GARRE1: variants seen among roughly 807,000 people sequenced by gnomAD.
GARRE1 encodes granule associated Rac and RHOG effector 1, also known as granule associated Rac and RHOG effector protein 1.
A neutral mutation model predicts 103.2 loss-of-function variants in GARRE1; 49 were observed. The ratio of observed to expected loss-of-function variants is 0.47; its 90% confidence interval spans 0.38 to 0.60. The LOEUF (loss-of-function observed/expected upper bound fraction) is 0.60. GARRE1 is among the 20% of genes least tolerant of loss of function. The pLI, the probability that GARRE1 is intolerant of heterozygous loss-of-function variation, is 0.00. For synonymous variants in GARRE1, 505 were observed against 532.8 expected (o/e 0.95, Z 0.72); for missense variants, 1,199 against 1,370.5 (o/e 0.87, Z 1.98).
intron 1 of GARRE1, among the ~76,000 whole-genome samples, chr19:34,293,721 C>G (rs917859663): frequency 1.5e-5 from 2 of 129,184 alleles, no homozygotes; most frequent in African/African-American, 6.3e-5. Flanking sequence ...TATAAACACA[C>G]ACACACACAC....
intron 1 of GARRE1, among the ~76,000 whole-genome samples, chr19:34,287,707 G>C (rs2073895381): frequency 6.6e-6 from 1 of 152,148 alleles, no homozygotes; most frequent in Non-Finnish European, 1.5e-5. Context: ...CAGGGTGCCA[G>C]CACTGTCAGG....
intron 1 of GARRE1, among the ~76,000 whole-genome samples, chr19:34,290,539 C>G (rs1176621688): frequency 6.6e-6 from 1 of 151,982 alleles, no homozygotes; most frequent in Non-Finnish European, 1.5e-5. Context: ...ACTCTGTTAC[C>G]CAGGCTGGAG....
intron 10 of GARRE1, among the ~76,000 whole-genome samples, chr19:34,346,577 G>A (rs1218053346): frequency 6.6e-6 from 1 of 152,152 alleles, no homozygotes; most frequent in Non-Finnish European, 1.5e-5. Flanking sequence ...GATTTTCGAA[G>A]TTGTTAGCTA....
intron 1 of GARRE1, among the ~76,000 whole-genome samples, chr19:34,294,731 GTC>G (rs1376681326): frequency 1.3e-5 from 2 of 152,052 alleles, no homozygotes; most frequent in Non-Finnish European, 1.5e-5. Flanking sequence ...TTCAGACAGA[GTC>G]TCTCTCTGTC....
intron 1 of GARRE1, among the ~76,000 whole-genome samples, chr19:34,280,394 G>A (rs185816195): frequency 3.3e-5 from 5 of 151,924 alleles, no homozygotes; most frequent in Admixed American, 6.6e-5. Flanking sequence ...GTCTATTCAA[G>A]TCCTTTGCCC....
At chr19:34,305,920 A>C (rs1445680059) in intron 2 of GARRE1, among the ~76,000 whole-genome samples, 2 of 152,172 alleles carry the variant, frequency 1.3e-5, no homozygotes, top group Non-Finnish European at 2.9e-5. Context: ...TGGGTTTTCC[A>C]ATTTATGCGT....
Position 34,341,510 on chromosome 19 carries a change from A to C in GARRE1, c.1576A>C (p.Asn526His), listed in dbSNP as rs746504130. The change falls in exon 10 of 14, where the codon AAC becomes CAC. Residue 526 changes from asparagine (N) to histidine (H), a missense_variant. Physicochemically the swap from Asn to His is moderately conservative, Grantham distance 68. Transcript: ENST00000299505. ...GGCTGACCTGCCTTCTGGAAATGGAAACAAATCTTCAGGTGGCCTGCAGAA... is the reference window on the plus strand; with the variant it reads ...GGCTGACCTGCCTTCTGGAAATGGACACAAATCTTCAGGTGGCCTGCAGAA... ...NQADLPSGNGNKSSGGLQKTF... is the reference protein window; with the variant it reads ...NQADLPSGNGHKSSGGLQKTF... 1 of 1,614,058 alleles carries C rather than the reference A, an allele frequency of 6.2e-7. No homozygotes were observed. The highest frequency in any genetic ancestry group is 8.5e-7 in the Non-Finnish European group (1 of 1,180,044).
intron 1 of GARRE1, among the ~76,000 whole-genome samples, chr19:34,258,125 A>G (rs1030439321): frequency 5.9e-5 from 9 of 151,790 alleles, no homozygotes; most frequent in African/African-American, 1.7e-4. Flanking sequence ...CCTGACCTCA[A>G]AAGTGCTGGG....
intron 2 of GARRE1, among the ~76,000 whole-genome samples, chr19:34,301,982 CTTTTTTTTTTT>C (rs35417822): frequency 1.8e-4 from 9 of 50,030 alleles, no homozygotes; most frequent in East Asian, 9.6e-4. Context: ...TGCGCCCAGC[CTTTTTTTTTTT>C]TTTTTTTTTT....
intron 8 of GARRE1, among the ~76,000 whole-genome samples, chr19:34,337,294 G>C (rs928477870): frequency 1.3e-5 from 2 of 152,162 alleles, no homozygotes; most frequent in Admixed American, 1.3e-4. Flanking sequence ...AATAGAGAAG[G>C]GGGAGACAGC....
At chr19:34,286,740 A>G (rs1320755905) in intron 1 of GARRE1, among the ~76,000 whole-genome samples, 1 of 151,374 alleles carries the variant, frequency 6.6e-6, no homozygotes, top group East Asian at 1.9e-4. Context: ...TGACCTCGTG[A>G]TCCGCCCGCC....
At chr19:34,338,007 G>T (rs942387633) in intron 8 of GARRE1, among the ~76,000 whole-genome samples, 2 of 152,210 alleles carry the variant, frequency 1.3e-5, no homozygotes, top group Non-Finnish European at 2.9e-5. Flanking sequence ...GTCTAGCTGG[G>T]CACTAGCAGA....
intron 12 of GARRE1, 127 bp downstream of exon 12, chr19:34,349,280 C>A: frequency 1.1e-6 from 1 of 921,912 alleles, no homozygotes; most frequent in Non-Finnish European, 1.6e-6. Context: ...GGGGCTCTTC[C>A]AGCAATGCCT....
chr19:34,292,439 T>C (rs1351438013), intron 1 of GARRE1, among the ~76,000 whole-genome samples: 2 of 152,236 alleles, frequency 1.3e-5, no homozygotes, highest in Non-Finnish European at 1.5e-5. Flanking sequence ...TGAACATTTG[T>C]GTGCAGGTTT....
chr19:34,302,557 G>A (rs752479133), intron 2 of GARRE1, among the ~76,000 whole-genome samples: 17 of 151,918 alleles, frequency 1.1e-4, no homozygotes, highest in Non-Finnish European at 2.2e-4. Context: ...GCGTCCCAAA[G>A]TGTTGGGATT....
At chr19:34,321,840 A>G (rs2074090471) in intron 3 of GARRE1, among the ~76,000 whole-genome samples, 1 of 152,176 alleles carries the variant, frequency 6.6e-6, no homozygotes. Flanking sequence ...TGTTTATAAA[A>G]TCTAGCCATC....
chr19:34,349,236 G>A (rs1456078107), intron 12 of GARRE1, 83 bp downstream of exon 12: 4 of 1,411,314 alleles, frequency 2.8e-6, no homozygotes, highest in African/African-American at 1.4e-5. Flanking sequence ...AAAGCCAGGA[G>A]CCCAGTCACC....
At chr19:34,345,617 C>A (rs1408128893) in intron 10 of GARRE1, among the ~76,000 whole-genome samples, 3 of 152,126 alleles carry the variant, frequency 2.0e-5, no homozygotes, top group East Asian at 1.9e-4. Flanking sequence ...GCCAGGAGTT[C>A]AAGACCAGCC....
At chr19:34,256,282 CG>C (rs2073672339) in intron 1 of GARRE1, among the ~76,000 whole-genome samples, 1 of 151,184 alleles carries the variant, frequency 6.6e-6, no homozygotes, top group Non-Finnish European at 1.5e-5. Context: ...GAGGCCGAGG[CG>C]GGCGGATCAC....
Sources: gnomAD v4.1 joint callset for allele counts (sites outside exome capture counted in the v4.1 genomes callset) on GRCh38, gnomAD v4.1.1 for gene constraint, MANE v1.5 for transcripts, NCBI Gene and HGNC (gene_info 2026-07-23, HGNC 2026-07-21) for gene names.